Variants in EDIL3 observed in about 807,000 individuals in gnomAD.
EDIL3 encodes EGF-like repeat and discoidin I-like domain-containing protein 3.
In EDIL3, 37 loss-of-function variants were observed where a neutral mutation model predicts 67.4. The observed-to-expected ratio is 0.55, with a 90% CI of 0.42 to 0.72. EDIL3 has a LOEUF of 0.72. Ranked by LOEUF, EDIL3 falls within the 30% of genes least tolerant of loss-of-function variation. The pLI, the probability that EDIL3 is intolerant of heterozygous loss-of-function variation, is 0.00. For missense variants in EDIL3, 527 were observed against 586.3 expected (o/e 0.90, Z 1.04); for synonymous variants, 195 against 196.3 (o/e 0.99, Z 0.05).
intron 9 of EDIL3, among the ~76,000 whole-genome samples, chr5:84,040,128 G>A (rs1312375374): frequency 6.6e-6 from 1 of 152,188 alleles, no homozygotes; most frequent in East Asian, 1.9e-4. Flanking sequence ...CAGAGAAGGG[G>A]TTTGAACCCA....
intron 4 of EDIL3, among the ~76,000 whole-genome samples, chr5:84,168,225 C>A (rs890336230): frequency 1.3e-5 from 2 of 152,040 alleles, no homozygotes; most frequent in African/African-American, 4.8e-5. Flanking sequence ...TTTTTAAAAT[C>A]ATTGTTGTAT....
At chr5:84,232,767 A>G (rs1251331989) in intron 2 of EDIL3, among the ~76,000 whole-genome samples, 1 of 152,168 alleles carries the variant, frequency 6.6e-6, no homozygotes, top group Non-Finnish European at 1.5e-5. Flanking sequence ...AAGGGTTACT[A>G]TTGGTAATAA....
intron 9 of EDIL3, among the ~76,000 whole-genome samples, chr5:83,983,361 T>C (rs1164344597): frequency 6.6e-6 from 1 of 152,068 alleles, no homozygotes; most frequent in Non-Finnish European, 1.5e-5. Context: ...ATTAGATAGG[T>C]CGACGGATGA....
chr5:84,372,505 T>G (rs1388977400), intron 1 of EDIL3, among the ~76,000 whole-genome samples: 2 of 152,124 alleles, frequency 1.3e-5, no homozygotes, highest in Non-Finnish European at 2.9e-5. Context: ...TAACCTAAAC[T>G]ATGCAGACTT....
At chr5:84,383,352 G>A (rs1748130338) in intron 1 of EDIL3, among the ~76,000 whole-genome samples, 2 of 152,218 alleles carry the variant, frequency 1.3e-5, no homozygotes, top group South Asian at 4.1e-4. Context: ...CAGCACAAGG[G>A]TTTGTATGGA....
chr5:84,284,800 G>A (rs1273710947), intron 1 of EDIL3, among the ~76,000 whole-genome samples: 1 of 152,084 alleles, frequency 6.6e-6, no homozygotes, highest in African/African-American at 2.4e-5. Context: ...GCAAACTGCT[G>A]GAAAGCTATC....
chr5:84,223,516 C>A (rs539013748), intron 3 of EDIL3, among the ~76,000 whole-genome samples: 98 of 151,674 alleles, frequency 6.5e-4, no homozygotes, highest in Admixed American at 1.6e-3. Context: ...TTTAAAAAGC[C>A]AGACACAGAA....
intron 3 of EDIL3, among the ~76,000 whole-genome samples, chr5:84,190,461 C>A (rs1743555791): frequency 6.6e-6 from 1 of 151,258 alleles, no homozygotes; most frequent in Non-Finnish European, 1.5e-5. Flanking sequence ...CATTAGCTAC[C>A]ATAGTTTGTT....
At chr5:84,045,070 G>A (rs770908488) in intron 9 of EDIL3, among the ~76,000 whole-genome samples, 8 of 152,138 alleles carry the variant, frequency 5.3e-5, no homozygotes, top group Non-Finnish European at 1.2e-4. Flanking sequence ...GTCTTAGATG[G>A]CCATGGGGAG....
intron 9 of EDIL3, among the ~76,000 whole-genome samples, chr5:84,056,339 G>A (rs182158947): frequency 1.7e-3 from 254 of 152,020 alleles, no homozygotes; most frequent in Non-Finnish European, 2.7e-3. Context: ...GGTGAGGGGG[G>A]AGGTATACCA....
chr5:84,164,186 G>A (rs534932310), intron 4 of EDIL3, among the ~76,000 whole-genome samples: 2 of 152,020 alleles, frequency 1.3e-5, no homozygotes, highest in South Asian at 2.1e-4. Flanking sequence ...ATGAAGAGAC[G>A]TAGATATAAA....
intron 9 of EDIL3, among the ~76,000 whole-genome samples, chr5:84,006,103 T>TAATAAC (rs1554063237): frequency 2.1e-4 from 31 of 149,142 alleles, no homozygotes; most frequent in African/African-American, 5.6e-4. Context: ...ATAATAATAA[T>TAATAAC]AATAATAGTA....
chr5:84,026,922 TA>T (rs1355889367), intron 9 of EDIL3, among the ~76,000 whole-genome samples: 21 of 151,884 alleles, frequency 1.4e-4, no homozygotes, highest in African/African-American at 4.8e-4. Context: ...CGTCTCTACT[TA>T]AAAAAATAAA....
intron 5 of EDIL3, among the ~76,000 whole-genome samples, chr5:84,136,514 T>C (rs1748096389): frequency 6.6e-6 from 1 of 152,122 alleles, no homozygotes; most frequent in Non-Finnish European, 1.5e-5. Context: ...TCTGCCTCTT[T>C]GTAAACACTT....
intron 3 of EDIL3, among the ~76,000 whole-genome samples, chr5:84,216,307 T>G (rs548330361): frequency 6.6e-6 from 1 of 152,228 alleles, no homozygotes; most frequent in Non-Finnish European, 1.5e-5. Context: ...GTTTATGTGA[T>G]TCATAAACTA....
At chr5:84,224,997 T>C (rs1297827353) in intron 3 of EDIL3, among the ~76,000 whole-genome samples, 3 of 151,574 alleles carry the variant, frequency 2.0e-5, no homozygotes, top group Admixed American at 6.6e-5. Context: ...CTATAGTTCA[T>C]TGATGTGTTT....
At chr5:84,226,159 C>G (rs970073367) in intron 3 of EDIL3, among the ~76,000 whole-genome samples, 20 of 151,322 alleles carry the variant, frequency 1.3e-4, no homozygotes, top group Admixed American at 6.6e-4. Context: ...TTTTTTCTGG[C>G]AAACAAAAGA....
In EDIL3 at chr5:84,137,228, C is replaced by G; in HGVS notation, c.469+13G>C. 6.3e-7 allele frequency: 1 copy of G among 1,580,494 alleles called. No homozygotes were observed. On this transcript the variant is annotated intron_variant, in intron 5 of 10. Transcript: ENST00000296591. ...ACACACACACACACACATACACACA[C>G]GTGAATACTTACTGTATTGACAATT...
chr5:84,072,860 G>GGA (rs200654271), intron 6 of EDIL3, among the ~76,000 whole-genome samples: 2 of 151,946 alleles, frequency 1.3e-5, no homozygotes, highest in Admixed American at 6.6e-5. Flanking sequence ...GATGGTGGAG[G>GGA]GAGAGAGAGA....
Sources: gnomAD v4.1 joint callset for allele counts (sites outside exome capture counted in the v4.1 genomes callset) on GRCh38, gnomAD v4.1.1 for gene constraint, MANE v1.5 for transcripts, NCBI Gene and HGNC (gene_info 2026-07-23, HGNC 2026-07-21) for gene names.